Variants in NECAP1 observed in about 807,000 individuals in gnomAD.
NECAP1 encodes adaptin ear-binding coat-associated protein 1.
A neutral mutation model predicts 33.4 loss-of-function variants in NECAP1; 13 were observed. The ratio of observed to expected loss-of-function variants is 0.39; its 90% CI spans 0.25 to 0.62. The LOEUF is 0.62. Ranked by LOEUF, NECAP1 falls within the 20% of genes least tolerant of loss-of-function variation. NECAP1 has a pLI of 0.52. For synonymous variants in NECAP1, 109 were observed against 125.2 expected (o/e 0.87, Z 0.86); for missense variants, 272 against 347.4 (o/e 0.78, Z 1.73).
intron 6 of NECAP1, chr12:8,093,373 G>A: frequency 3.4e-6 from 1 of 295,404 alleles, no homozygotes; most frequent in South Asian, 5.3e-5. Flanking sequence ...ATTTGAATGT[G>A]CTTGGTAAAC....
rs201444659 is a variant in NECAP1 at position 8,090,171 on chromosome 12, A to G, written c.197-24A>G. The stretch of plus-strand genomic sequence containing the variant: ...CTGGATTTTGGCTTGCTTTACTCAA[A>G]AAAGTCTTTCTCTTATCTGTCAGGG... On this transcript the variant is annotated intron_variant, in intron 2 of 7. Transcript: ENST00000339754. 28 of 1,613,258 alleles carry G rather than the reference A, an allele frequency of 1.7e-5. No individual in the cohort carries two copies. The East Asian group carries it at 6.0e-4, about 35-fold the overall frequency.
chr12:8,092,652 A>G (rs1162161066), intron 4 of NECAP1, 24 bp from the exon 5 acceptor site: 7 of 1,563,186 alleles, frequency 4.5e-6, no homozygotes, highest in Admixed American at 1.8e-5. Flanking sequence ...TCTCAAACTA[A>G]GATAACTTGC....
rs1299308833 is a variant in NECAP1 at position 8,095,611 on chromosome 12, A to G, written c.687A>G (p.Leu229=). 1 of 1,610,622 alleles carries G rather than the reference A, an allele frequency of 6.2e-7. No homozygotes were observed. The highest frequency in any genetic ancestry group is 1.1e-5 in the South Asian group (1 of 90,990). ...TTACCTTGTGTTTAGATATCCTTTTAGATTTGGATTCTCCTGCTCCTGTCA... is the reference window on the plus strand; with the variant it reads ...TTACCTTGTGTTTAGATATCCTTTTGGATTTGGATTCTCCTGCTCCTGTCA... ...NHGGSDADIL[L]DLDSPAPVTT... The change falls in exon 7 of 8, where the codon TTA becomes TTG. Residue 229 remains leucine, a synonymous_variant. Transcript: ENST00000339754.
chr12:8,094,891 CCTTT>C (rs1947581266), intron 6 of NECAP1: 2 of 152,494 alleles, frequency 1.3e-5, no homozygotes, highest in African/African-American at 4.8e-5. Context: ...TCCCTCTCAT[CCTTT>C]CTTCCCCCAT....
At position 8,089,781 on chromosome 12, in the gene NECAP1, G is replaced by A. The variant is rs1249476068; in HGVS notation, c.96-155G>A. 70 of 647,088 alleles carry A rather than the reference G, an allele frequency of 1.1e-4. No individual in the cohort carries two copies. In the South Asian group the frequency reaches 1.2e-3, roughly 11 times the overall value. The allele number at this position is 647,088 out of a possible 1,614,324, so 40.1% of individuals were successfully genotyped here. The stretch of plus-strand genomic sequence containing the variant: ...ACTTGCTTTGGACTGTATGTAACAT[G>A]AGGCATCTAAATAGATCATGAATTA... On this transcript the variant is annotated intron_variant, in intron 1 of 7. Transcript: ENST00000339754.
At chr12:8,085,865 G>A (rs1347251167) in intron 1 of NECAP1, among the ~76,000 whole-genome samples, 1 of 151,688 alleles carries the variant, frequency 6.6e-6, no homozygotes, top group South Asian at 2.1e-4. Flanking sequence ...TGCCATGCTT[G>A]GCTAATTTTT....
chr12:8,090,375 T>C (rs1338467347), intron 3 of NECAP1, 76 bp downstream of exon 3: 4 of 1,282,276 alleles, frequency 3.1e-6, no homozygotes, highest in South Asian at 1.2e-5. Flanking sequence ...GTGTTTCCGA[T>C]TGCATTTATC....
At chr12:8,089,888 T>G in intron 1 of NECAP1, 48 bp from the exon 2 acceptor site, 1 of 1,375,042 alleles carries the variant, frequency 7.3e-7, no homozygotes, top group Non-Finnish European at 1.0e-6. Context: ...GGGTGGGCGT[T>G]AGTAAATTAA....
chr12:8,084,298 A>G (rs1947468554), intron 1 of NECAP1, among the ~76,000 whole-genome samples: 2 of 152,160 alleles, frequency 1.3e-5, no homozygotes, highest in Admixed American at 1.3e-4. Context: ...ACTGACCCTA[A>G]GTAGAAATCA....
At chr12:8,087,530 T>TA (rs897445659) in intron 1 of NECAP1, among the ~76,000 whole-genome samples, 38 of 151,118 alleles carry the variant, frequency 2.5e-4, no homozygotes, top group Non-Finnish European at 5.2e-4. Context: ...TAATTTTTTT[T>TA]TTTTTTTTTT....
intron 6 of NECAP1, 139 bp from the exon 7 acceptor site, chr12:8,095,462 A>C: frequency 2.1e-6 from 1 of 487,666 alleles, no homozygotes. Flanking sequence ...GTTAGCCAGG[A>C]TGGTCTCGAT....
chr12:8,085,278 A>C (rs947273554), intron 1 of NECAP1, among the ~76,000 whole-genome samples: 14 of 152,150 alleles, frequency 9.2e-5, no homozygotes, highest in Non-Finnish European at 2.9e-5. Flanking sequence ...TTGGCCTCCC[A>C]AAGTGCTGGG....
intron 4 of NECAP1, 48 bp from the exon 5 acceptor site, chr12:8,092,628 C>G (rs766453069): frequency 3.5e-6 from 5 of 1,442,308 alleles, no homozygotes; most frequent in Non-Finnish European, 3.8e-6. Flanking sequence ...ATGTCAGACT[C>G]TGCTTTCAGG....
intron 1 of NECAP1, among the ~76,000 whole-genome samples, chr12:8,083,421 C>CTTTTTTTTT (rs71042328): frequency 1.0e-3 from 68 of 65,842 alleles, no homozygotes; most frequent in Middle Eastern, 0.013. Flanking sequence ...TTTGTTTGTT[C>CTTTTTTTTT]TTTTTTTTTT....
At position 8,095,863 on chromosome 12, in the gene NECAP1, G is replaced by T. The variant is rs1414067948; in HGVS notation, c.779+160G>T. On this transcript the variant is annotated intron_variant, in intron 7 of 7. Coordinates refer to ENST00000339754, the MANE Select transcript of NECAP1 (RefSeq NM_015509.4). ...AAATATAGTAGTGCTGGGAATGGGG[G>T]GACAAAAAAGCTGTAGGATGAGGTT... 1.0e-5 allele frequency: 11 copies of T among 1,070,110 alleles called. No individual in the cohort carries two copies. The East Asian group carries it at 2.8e-4, about 27-fold the overall frequency. 66.3% of individuals were successfully genotyped at this position (1,070,110 alleles called of 1,614,324 possible).
rs181053379 is a variant in NECAP1 at position 8,095,874 on chromosome 12, C to G, written c.780-168C>G. On this transcript the variant is annotated intron_variant, in intron 7 of 7. Transcript: ENST00000339754. ...TGCTGGGAATGGGGGGACAAAAAAG[C>G]TGTAGGATGAGGTTTGAGTGGGATA... is the stretch of plus-strand genomic sequence containing the variant. 3,382 of 1,097,332 alleles carry G rather than the reference C, an allele frequency of 3.1e-3. 10 individuals are homozygous for G. The highest frequency in any genetic ancestry group is 3.8e-3 in the Non-Finnish European group (2,920 of 763,396). 68.0% of individuals were successfully genotyped at this position (1,097,332 alleles called of 1,614,324 possible).
intron 1 of NECAP1, chr12:8,089,560 C>T (rs376129451): frequency 3.0e-4 from 50 of 166,628 alleles, no homozygotes; most frequent in African/African-American, 1.0e-3. Context: ...GGGGTTTCAC[C>T]GTGTTGGCCA....
At chr12:8,085,754 C>T (rs1036462819) in intron 1 of NECAP1, among the ~76,000 whole-genome samples, 1 of 123,882 alleles carries the variant, frequency 8.1e-6, no homozygotes, top group Non-Finnish European at 1.6e-5. Context: ...CCCAGGCTGG[C>T]GTACAATGGT....
chr12:8,096,304 A>G lies in NECAP1; in HGVS notation c.*214A>G. The G allele has an allele frequency of 3.8e-6, 2 of 521,278 alleles. No homozygotes were observed. The highest frequency in any genetic ancestry group is 6.2e-5 in the South Asian group (2 of 32,198). 32.3% of individuals were successfully genotyped at this position (521,278 alleles called of 1,614,324 possible). A position where few individuals can be genotyped will look rare whatever the true frequency, so the allele number is the denominator to read the frequency against. On this transcript the variant is annotated 3_prime_UTR_variant, in exon 8 of 8. Transcript: ENST00000339754. The stretch of plus-strand genomic sequence containing the variant: ...AGAAAGTATCTGTTATCTCCTGCGT[A>G]GTACCAAGGTAGGGGACTAGTGGAT...
Sources: allele counts gnomAD v4.1 joint callset (sites outside exome capture counted in the v4.1 genomes callset), GRCh38; gene constraint gnomAD v4.1.1; transcripts MANE v1.5; gene names NCBI Gene and HGNC (gene_info 2026-07-23, HGNC 2026-07-21).